The following TNKS variants were observed in gnomAD, a reference collection of about 807,000 sequenced individuals.
TNKS encodes poly [ADP-ribose] polymerase tankyrase-1.
TNKS carries 72 observed loss-of-function variants against 135.8 expected under a neutral mutation model. The ratio of observed to expected loss-of-function variants is 0.53; its 90% CI spans 0.44 to 0.64. The LOEUF is 0.64. Ranked by LOEUF, TNKS falls within the 30% of genes least tolerant of loss-of-function variation. The pLI is 0.00. For missense variants in TNKS, 1,769 were observed against 1,674.0 expected (o/e 1.06, Z -0.99); for synonymous variants, 849 against 649.3 (o/e 1.31, Z -4.68).
At chr8:9,602,580 CCT>C (rs2128759616) in intron 2 of TNKS, among the ~76,000 whole-genome samples, 2 of 152,290 alleles carry the variant, frequency 1.3e-5, no homozygotes, top group East Asian at 3.9e-4. Context: ...CTCCAGAGCA[CCT>C]GGTGGAGCCA....
At chr8:9,770,402 A>C (rs1807756827) in intron 26 of TNKS, 140 bp downstream of exon 26, 1 of 956,326 alleles carries the variant, frequency 1.0e-6, no homozygotes, top group Admixed American at 3.1e-5. Flanking sequence ...ATACAAAATA[A>C]AGGTATCAAA....
At chr8:9,563,989 C>G (rs186914864) in intron 1 of TNKS, among the ~76,000 whole-genome samples, 8 of 152,306 alleles carry the variant, frequency 5.3e-5, no homozygotes, top group Non-Finnish European at 8.8e-5. Flanking sequence ...ACCTGCAGCT[C>G]TGGCCTAGAA....
intron 26 of TNKS, among the ~76,000 whole-genome samples, chr8:9,771,178 G>A (rs889810221): frequency 6.8e-6 from 1 of 146,120 alleles, no homozygotes; most frequent in African/African-American, 2.5e-5. Context: ...AGGAGGGAGA[G>A]AAGAGAGGAA....
chr8:9,775,605 A>C (rs1808191507), intron 26 of TNKS, among the ~76,000 whole-genome samples: 1 of 150,528 alleles, frequency 6.6e-6, no homozygotes, highest in African/African-American at 2.4e-5. Context: ...TAATAAAAAT[A>C]ATAACAATAA....
chr8:9,728,489 C>G (rs1805264021), intron 13 of TNKS, among the ~76,000 whole-genome samples: 1 of 152,142 alleles, frequency 6.6e-6, no homozygotes, highest in African/African-American at 2.4e-5. Flanking sequence ...GTTTCATTCC[C>G]TACCTATTCC....
intron 3 of TNKS, among the ~76,000 whole-genome samples, chr8:9,619,699 G>A (rs1799790545): frequency 6.6e-6 from 1 of 152,084 alleles, no homozygotes; most frequent in South Asian, 2.1e-4. Context: ...AATCAGCTGT[G>A]GCTCAGGCCA....
At position 9,700,563 on chromosome 8, in the gene TNKS, G is replaced by T. The variant is rs529556207; in HGVS notation, c.1108-4100G>T. Among the ~76,000 whole-genome samples the T allele has an allele frequency of 4.0e-5, 6 of 151,566 alleles. No individual in the cohort carries two copies. The East Asian group carries it at 1.2e-3, about 30-fold the overall frequency. Reference sequence around the variant, plus strand: ...AGGCACTTTAAATTCAGTAAACCCAGACCTCACATTATTTCCCTCTGGGCT... The same window carrying T: ...AGGCACTTTAAATTCAGTAAACCCATACCTCACATTATTTCCCTCTGGGCT... On this transcript the variant is annotated intron_variant, in intron 5 of 26. Transcript: ENST00000310430.
intron 1 of TNKS, among the ~76,000 whole-genome samples, chr8:9,579,321 T>C (rs1798077373): frequency 6.6e-6 from 1 of 152,214 alleles, no homozygotes; most frequent in Non-Finnish European, 1.5e-5. Flanking sequence ...TGGCATCATC[T>C]TTAGTTCTTC....
intron 25 of TNKS, among the ~76,000 whole-genome samples, chr8:9,768,705 C>G (rs1217435970): frequency 6.6e-6 from 1 of 152,224 alleles, no homozygotes; most frequent in East Asian, 1.9e-4. Flanking sequence ...ACGTAAGAGA[C>G]TAGCAGAATC....
chr8:9,565,592 G>A (rs528777253), intron 1 of TNKS, among the ~76,000 whole-genome samples: 148 of 152,266 alleles, frequency 9.7e-4, no homozygotes, highest in Non-Finnish European at 1.4e-3. Context: ...CAGGCGTGGT[G>A]GCTCACGCCT....
intron 3 of TNKS, among the ~76,000 whole-genome samples, chr8:9,616,741 A>T (rs1799659513): frequency 6.6e-6 from 1 of 152,200 alleles, no homozygotes; most frequent in African/African-American, 2.4e-5. Context: ...TTCTCAATCA[A>T]AGATTAGTGT....
chr8:9,656,814 T>C (rs556612904), intron 3 of TNKS, among the ~76,000 whole-genome samples: 4,051 of 145,170 alleles, frequency 0.028, 144 homozygotes, highest in African/African-American at 0.084. Context: ...TAGGGAGTGG[T>C]GACGACTCTT....
chr8:9,719,852 C>G (rs939037529), intron 11 of TNKS, among the ~76,000 whole-genome samples: 2 of 152,086 alleles, frequency 1.3e-5, no homozygotes, highest in African/African-American at 4.8e-5. Context: ...TTTGAATCCT[C>G]AAATCTTTTT....
At chr8:9,670,469 C>T (rs1476441077) in intron 3 of TNKS, among the ~76,000 whole-genome samples, 3 of 152,136 alleles carry the variant, frequency 2.0e-5, no homozygotes, top group Non-Finnish European at 4.4e-5. Flanking sequence ...TTAATCCCAT[C>T]CCTAATGTCA....
intron 5 of TNKS, among the ~76,000 whole-genome samples, chr8:9,702,088 C>T (rs180804225): frequency 3.9e-5 from 6 of 152,204 alleles, no homozygotes; most frequent in Non-Finnish European, 7.3e-5. Flanking sequence ...AAAGGCTGCT[C>T]TGGCCCTGCC....
intron 3 of TNKS, among the ~76,000 whole-genome samples, chr8:9,650,265 A>T (rs1801096325): frequency 6.6e-6 from 1 of 152,040 alleles, no homozygotes; most frequent in Admixed American, 6.6e-5. Context: ...GCAGTTGCAA[A>T]TTGTGCTGCT....
At chr8:9,632,816 G>A (rs902621062) in intron 3 of TNKS, among the ~76,000 whole-genome samples, 2 of 152,140 alleles carry the variant, frequency 1.3e-5, no homozygotes, top group Non-Finnish European at 2.9e-5. Context: ...TGCAAGCTCC[G>A]CCTCCCGGGT....
At chr8:9,633,730 A>T (rs1022204893) in intron 3 of TNKS, among the ~76,000 whole-genome samples, 1 of 152,216 alleles carries the variant, frequency 6.6e-6, no homozygotes, top group African/African-American at 2.4e-5. Context: ...GCCATATTGT[A>T]AACTGCCTTA....
chr8:9,648,060 G>A (rs1563140437), intron 3 of TNKS, among the ~76,000 whole-genome samples: 1 of 152,214 alleles, frequency 6.6e-6, no homozygotes, highest in East Asian at 1.9e-4. Flanking sequence ...GTCTTCTGTA[G>A]GGCACTTACC....
Sources: gnomAD v4.1 joint callset for allele counts (sites outside exome capture counted in the v4.1 genomes callset) on GRCh38, gnomAD v4.1.1 for gene constraint, MANE v1.5 for transcripts, NCBI Gene and HGNC (gene_info 2026-07-23, HGNC 2026-07-21) for gene names.